The following NFATC1 variants were observed in gnomAD, a reference collection of about 807,000 sequenced individuals.
The protein encoded by NFATC1 is nuclear factor of activated T cells 1.
NFATC1 carries 22 observed loss-of-function variants against 76.0 expected under a neutral mutation model. The observed-to-expected ratio is 0.29, with a 90% CI of 0.21 to 0.41. NFATC1 has a LOEUF of 0.41. Among genes scored for constraint, NFATC1 ranks in the 10% least tolerant of loss-of-function variants. The probability of loss-of-function intolerance (pLI) is 1.00; values close to 1 mark genes in which losing one functional copy is unlikely to be tolerated. For missense variants in NFATC1, 1,357 were observed against 1,337.7 expected (o/e 1.01, Z -0.23); for synonymous variants, 704 against 613.1 (o/e 1.15, Z -2.19).
chr18:79,439,598 A>T (rs1347627616), intron 3 of NFATC1, among the ~76,000 whole-genome samples: 2 of 152,210 alleles, frequency 1.3e-5, no homozygotes, highest in Non-Finnish European at 2.9e-5. Context: ...ACGCACAGGG[A>T]ATTTCCTAGT....
In NFATC1 at chr18:79,447,797, G is replaced by A. The variant is rs79698287; in HGVS notation, c.1387-985G>A. Among the ~76,000 whole-genome samples, 18 of 152,368 alleles carry A rather than the reference G, an allele frequency of 1.2e-4. No individual in the cohort carries two copies. In the East Asian group the frequency reaches 3.1e-3, roughly 26 times the overall value. On this transcript the variant is annotated intron_variant, in intron 3 of 9. Coordinates refer to ENST00000427363, the MANE Select transcript of NFATC1 (RefSeq NM_001278669.2). ...GACTATAGTGATTGTAAATGGTAGC[G>A]TTAAAGATAAAAACAAACAGTTCTA...
intron 8 of NFATC1, chr18:79,469,667 T>A (rs2088693593): frequency 1.0e-6 from 1 of 985,788 alleles, no homozygotes; most frequent in African/African-American, 1.7e-5. Flanking sequence ...CCAGCATGGC[T>A]CAACGCAGGC....
rs1385924286 is a variant in NFATC1, at chr18:79,527,913, G to C, written c.*336G>C. 9.0e-6 allele frequency: 4 copies of C among 446,852 alleles called. No homozygotes were observed. Among genetic ancestry groups the C allele is most frequent in the Non-Finnish European group, 1.6e-5 (4 of 252,944 alleles). 27.7% of individuals were successfully genotyped at this position (446,852 alleles called of 1,614,324 possible). A position where few individuals can be genotyped will look rare whatever the true frequency, so the allele number is the denominator to read the frequency against. The stretch of plus-strand genomic sequence containing the variant: ...ACGCCCAGCCCTTCTGGCACCCCTG[G>C]GGTTCAATACTGGAAGTGCCTTATT... On this transcript the variant is annotated 3_prime_UTR_variant, in exon 10 of 10. Transcript: ENST00000427363.
intron 8 of NFATC1, chr18:79,469,439 G>C: frequency 2.0e-6 from 2 of 985,554 alleles, no homozygotes; most frequent in Non-Finnish European, 2.4e-6. Flanking sequence ...GGGAGGTGGC[G>C]GCCCCCAGGA....
At chr18:79,444,557 C>T (rs2087118464) in intron 3 of NFATC1, among the ~76,000 whole-genome samples, 2 of 152,228 alleles carry the variant, frequency 1.3e-5, no homozygotes, top group African/African-American at 4.8e-5. Context: ...CAGGGCAGGG[C>T]GTCCGGCAGA....
At chr18:79,412,755 C>G (rs1255739514) in intron 2 of NFATC1, among the ~76,000 whole-genome samples, 3 of 152,244 alleles carry the variant, frequency 2.0e-5, no homozygotes, top group African/African-American at 7.2e-5. Flanking sequence ...CTTTGAGCAG[C>G]CCCATGGCTG....
At position 79,438,109 on chromosome 18, in the gene NFATC1, C is replaced by T. The variant is rs562933533; in HGVS notation, c.1386+4371C>T. ...GGAGGAGACCTGGAGTCCGGCTCCC[C>T]GCTCCGTCCGAGGAGGAGCTGAGCG... On this transcript the variant is annotated intron_variant, in intron 3 of 9. Transcript: ENST00000427363. 2.6e-5 allele frequency among the ~76,000 whole-genome samples: 4 copies of T among 152,326 alleles called. No individual in the cohort carries two copies. In the South Asian group the frequency reaches 8.3e-4, roughly 32 times the overall value.
chr18:79,486,104 T>A, intron 8 of NFATC1, 144 bp from the exon 9 acceptor site: 3 of 717,436 alleles, frequency 4.2e-6, no homozygotes, highest in Non-Finnish European at 4.7e-6. Flanking sequence ...CTTTTTTTTT[T>A]AATGGGGTGG....
chr18:79,458,829 A>C (rs2087891756), intron 6 of NFATC1, among the ~76,000 whole-genome samples: 1 of 152,198 alleles, frequency 6.6e-6, no homozygotes, highest in Non-Finnish European at 1.5e-5. Context: ...TCCTTTCCTG[A>C]GATGCGAGGT....
chr18:79,503,273 G>A (rs1202606849), intron 9 of NFATC1, among the ~76,000 whole-genome samples: 1 of 152,200 alleles, frequency 6.6e-6, no homozygotes, highest in Non-Finnish European at 1.5e-5. Flanking sequence ...TTCAGCCTCA[G>A]ACCACTGGGA....
At chr18:79,441,137 C>T (rs1322648055) in intron 3 of NFATC1, among the ~76,000 whole-genome samples, 2 of 152,318 alleles carry the variant, frequency 1.3e-5, no homozygotes, top group Non-Finnish European at 1.5e-5. Context: ...CAGGTCTCAC[C>T]CTGCGAGGCT....
chr18:79,431,991 A>G (rs569662683), intron 2 of NFATC1, among the ~76,000 whole-genome samples: 3 of 152,324 alleles, frequency 2.0e-5, no homozygotes, highest in South Asian at 2.1e-4. Context: ...GTGAGCCACC[A>G]TGCCCGGCCC....
At chr18:79,510,981 G>C (rs966572355) in intron 9 of NFATC1, among the ~76,000 whole-genome samples, 2 of 152,216 alleles carry the variant, frequency 1.3e-5, no homozygotes, top group Non-Finnish European at 2.9e-5. Flanking sequence ...CGGTGGAAGT[G>C]TCGTGTTCCC....
chr18:79,475,486 C>T (rs1359806040), intron 8 of NFATC1, among the ~76,000 whole-genome samples: 2 of 151,738 alleles, frequency 1.3e-5, no homozygotes, highest in African/African-American at 4.9e-5. Context: ...TTTTCACGCT[C>T]ACTGTCGACG....
chr18:79,520,860 TG>T lies in NFATC1; in HGVS notation c.2783-6660del, dbSNP rs539877248. Among the ~76,000 whole-genome samples, 29 of 11,364 alleles carry T rather than the reference TG, an allele frequency of 2.6e-3. 2 individuals carry two copies. Among genetic ancestry groups the T allele is most frequent in the African/African-American group, 0.013 (26 of 2,062 alleles). The allele number at this position is 11,364 out of a possible 152,430, so 7.5% of individuals were successfully genotyped here. On this transcript the variant is annotated intron_variant, in intron 9 of 9. Coordinates refer to ENST00000427363, the MANE Select transcript of NFATC1 (RefSeq NM_001278669.2). ...ACTGATGTGTGTGTCTGTGTATGTG[TG>T]GGGGGGGCATCCACTGGTGTGTGTG...
chr18:79,477,253 T>A (rs2089111374), intron 8 of NFATC1, among the ~76,000 whole-genome samples: 1 of 152,192 alleles, frequency 6.6e-6, no homozygotes, highest in South Asian at 2.1e-4. Context: ...CAGAAGACAA[T>A]CTGATCTTTG....
At chr18:79,421,795 C>T (rs771961120) in intron 2 of NFATC1, 35 of 152,294 alleles carry the variant, frequency 2.3e-4, no homozygotes, top group African/African-American at 3.4e-4. Context: ...TTGGCAGTGC[C>T]GCCACCATGG....
chr18:79,518,243 C>T (rs1209609085), intron 9 of NFATC1, among the ~76,000 whole-genome samples: 4 of 152,222 alleles, frequency 2.6e-5, no homozygotes, highest in South Asian at 2.1e-4. Context: ...ATCGCTTTCC[C>T]GGTCGACATT....
At chr18:79,508,887 C>T (rs948441095) in intron 9 of NFATC1, among the ~76,000 whole-genome samples, 2 of 151,854 alleles carry the variant, frequency 1.3e-5, no homozygotes, top group African/African-American at 2.4e-5. Flanking sequence ...TCTCTCTCTC[C>T]GTCCCTCCCT....
Sources: gnomAD v4.1 joint callset for allele counts (sites outside exome capture counted in the v4.1 genomes callset) on GRCh38, gnomAD v4.1.1 for gene constraint, MANE v1.5 for transcripts, NCBI Gene and HGNC (gene_info 2026-07-23, HGNC 2026-07-21) for gene names.